Variants in PRKACB observed in about 807,000 individuals in gnomAD.
The protein encoded by PRKACB is cAMP-dependent protein kinase catalytic subunit beta.
A neutral mutation model predicts 51.4 loss-of-function variants in PRKACB; 16 were observed. The observed-to-expected ratio is 0.31, with a 90% confidence interval of 0.21 to 0.47. PRKACB has a LOEUF of 0.47. Among genes scored for constraint, PRKACB ranks in the 20% least tolerant of loss-of-function variants. PRKACB has a pLI of 1.00. For synonymous variants in PRKACB, 147 were observed against 154.4 expected, an observed-to-expected ratio of 0.95 and a Z score of 0.35; for missense variants, 309 against 464.5, an observed-to-expected ratio of 0.67 and a Z score of 3.08.
At chr1:84,152,120 G>A (rs766711389) in intron 1 of PRKACB, among the ~76,000 whole-genome samples, 4 of 152,326 alleles carry the variant, frequency 2.6e-5, no homozygotes, top group Non-Finnish European at 5.9e-5. Flanking sequence ...TCATCTCCTT[G>A]TACATCGAGC....
chr1:84,124,661 C>T (rs1651405072), intron 1 of PRKACB, among the ~76,000 whole-genome samples: 1 of 152,184 alleles, frequency 6.6e-6, no homozygotes, highest in African/African-American at 2.4e-5. Flanking sequence ...CCTATCAGTG[C>T]TCTTGAGGGT....
intron 9 of PRKACB, among the ~76,000 whole-genome samples, chr1:84,227,049 C>T (rs1674729131): frequency 6.6e-6 from 1 of 152,046 alleles, no homozygotes; most frequent in Non-Finnish European, 1.5e-5. Context: ...TAATATTTGC[C>T]TGAAATCTAT....
chr1:84,141,093 ACT>A (rs1247959071), upstream of PRKACB, among the ~76,000 whole-genome samples: 2 of 152,084 alleles, frequency 1.3e-5, no homozygotes, highest in East Asian at 1.9e-4. Flanking sequence ...AGCTGGTTCA[ACT>A]CTGAAAATTT....
At chr1:84,147,960 T>G (rs1374542122) in intron 1 of PRKACB, among the ~76,000 whole-genome samples, 1 of 152,198 alleles carries the variant, frequency 6.6e-6, no homozygotes, top group Non-Finnish European at 1.5e-5. Context: ...ATGCAACCTT[T>G]GTTAAAAGAG....
At chr1:84,086,379 AG>A (rs1372269079) in intron 1 of PRKACB, 1 of 602,498 alleles carries the variant, frequency 1.7e-6, no homozygotes, top group Non-Finnish European at 2.9e-6. Flanking sequence ...AGGGGCCATC[AG>A]AAGATGGTGC....
chr1:84,105,013 C>T (rs1420902944), intron 1 of PRKACB, among the ~76,000 whole-genome samples: 2 of 152,122 alleles, frequency 1.3e-5, no homozygotes, highest in South Asian at 2.1e-4. Flanking sequence ...GTGGGACTCT[C>T]CTTGGAGTGT....
chr1:84,176,071 C>T (rs975626597), intron 1 of PRKACB, among the ~76,000 whole-genome samples: 4 of 151,726 alleles, frequency 2.6e-5, no homozygotes, highest in African/African-American at 9.6e-5. Context: ...GGTCACACAG[C>T]TAGGAAGTAT....
At chr1:84,119,758 G>A (rs941759298) in intron 1 of PRKACB, among the ~76,000 whole-genome samples, 1 of 152,054 alleles carries the variant, frequency 6.6e-6, no homozygotes, top group Non-Finnish European at 1.5e-5. Flanking sequence ...CACACATATA[G>A]CATAGCAAGG....
intron 1 of PRKACB, among the ~76,000 whole-genome samples, chr1:84,097,298 G>GATACATTAGTAGATAGTAT (rs1648994013): frequency 6.6e-6 from 1 of 151,608 alleles, no homozygotes. Context: ...TGTATCTGTA[G>GATACATTAGTAGATAGTAT]ATACATTAGT....
At chr1:84,101,042 C>T (rs954314189) in intron 1 of PRKACB, among the ~76,000 whole-genome samples, 15 of 152,168 alleles carry the variant, frequency 9.9e-5, no homozygotes, top group East Asian at 1.9e-4. Flanking sequence ...AAACTCATTA[C>T]GCTGTAAGGC....
rs1676073679 is a variant in PRKACB, at chr1:84,233,368, T to G, written c.1072-1812T>G. Reference sequence around the variant, plus strand: ...AACATTTTTTCCTTCATTTCAACTTTGGTGAATCTGACAATTATGTGTCTT... The same window carrying G: ...AACATTTTTTCCTTCATTTCAACTTGGGTGAATCTGACAATTATGTGTCTT... On this transcript the variant is annotated intron_variant, in intron 9 of 9. Transcript: ENST00000370685. Among the ~76,000 whole-genome samples the G allele has an allele frequency of 2.0e-5, 3 of 147,194 alleles. No individual in the cohort carries two copies. In the South Asian group the frequency reaches 6.7e-4, roughly 33 times the overall value.
At chr1:84,232,601 T>G (rs1675901122) in intron 9 of PRKACB, among the ~76,000 whole-genome samples, 1 of 152,204 alleles carries the variant, frequency 6.6e-6, no homozygotes, top group African/African-American at 2.4e-5. Flanking sequence ...TGCTCCTGTA[T>G]TGGGTGCATA....
chr1:84,234,676 T>G (rs1347742177), intron 9 of PRKACB, among the ~76,000 whole-genome samples: 3 of 152,188 alleles, frequency 2.0e-5, no homozygotes, highest in Non-Finnish European at 4.4e-5. Flanking sequence ...GACCTGATTT[T>G]CCAGGTGCCG....
intron 1 of PRKACB, 37 bp from the exon 2 acceptor site, chr1:84,179,140 T>A: frequency 6.5e-7 from 1 of 1,536,362 alleles, no homozygotes; most frequent in Non-Finnish European, 8.8e-7. Context: ...ATAAATATTC[T>A]TACAAGATAA....
chr1:84,110,999 G>A (rs1015536460), intron 1 of PRKACB, among the ~76,000 whole-genome samples: 4 of 151,860 alleles, frequency 2.6e-5, no homozygotes, highest in African/African-American at 9.7e-5. Flanking sequence ...GCTTAGTTCA[G>A]GTCTTTATCA....
At chr1:84,155,883 TTC>T (rs1655434291) in intron 1 of PRKACB, among the ~76,000 whole-genome samples, 1 of 152,182 alleles carries the variant, frequency 6.6e-6, no homozygotes, top group African/African-American at 2.4e-5. Context: ...AGGAGGTCTT[TTC>T]TTAGAGTCTT....
intron 1 of PRKACB, among the ~76,000 whole-genome samples, chr1:84,112,209 C>G (rs1420059429): frequency 3.3e-5 from 5 of 150,226 alleles, no homozygotes. Context: ...AGATGGTGTC[C>G]TAAGTTGGAC....
intron 9 of PRKACB, 134 bp downstream of exon 9, chr1:84,214,451 T>A: frequency 1.1e-6 from 1 of 881,216 alleles, no homozygotes; most frequent in Non-Finnish European, 1.6e-6. Context: ...GGATCTAAAG[T>A]ACTTTACAGC....
intron 1 of PRKACB, 114 bp from the exon 2 acceptor site, chr1:84,179,063 A>T: frequency 8.3e-7 from 1 of 1,208,220 alleles, no homozygotes; most frequent in Non-Finnish European, 1.1e-6. Flanking sequence ...ACATTTTATC[A>T]CAATAGATGA....
Sources: allele counts gnomAD v4.1 joint callset (sites outside exome capture counted in the v4.1 genomes callset), GRCh38; gene constraint gnomAD v4.1.1; transcripts MANE v1.5; gene names NCBI Gene and HGNC (gene_info 2026-07-23, HGNC 2026-07-21).